PLCB1: variants seen among roughly 807,000 people sequenced by gnomAD.
The protein encoded by PLCB1 is 1-phosphatidylinositol 4,5-bisphosphate phosphodiesterase beta-1.
PLCB1 carries 46 observed loss-of-function variants against 161.8 expected under a neutral mutation model. The ratio of observed to expected loss-of-function variants is 0.28; its 90% CI spans 0.22 to 0.36. PLCB1 has a LOEUF of 0.36. Among genes scored for constraint, PLCB1 ranks in the 10% least tolerant of loss-of-function variants. The pLI is 1.00. For synonymous variants in PLCB1, 517 were observed against 503.7 expected (o/e 1.03, Z -0.35); for missense variants, 1,016 against 1,472.5 (o/e 0.69, Z 5.07).
chr20:8,520,265 A>G (rs906801387), intron 3 of PLCB1, among the ~76,000 whole-genome samples: 3 of 152,226 alleles, frequency 2.0e-5, no homozygotes, highest in Non-Finnish European at 4.4e-5. Context: ...ATTCCAGAAT[A>G]TCCCATTGGT....
At chr20:8,324,781 C>G (rs1222659420) in intron 2 of PLCB1, among the ~76,000 whole-genome samples, 2 of 152,208 alleles carry the variant, frequency 1.3e-5, no homozygotes, top group Non-Finnish European at 2.9e-5. Context: ...ATCAGCATCT[C>G]TACCTATTTC....
At chr20:8,601,103 A>T (rs560700541) in intron 3 of PLCB1, among the ~76,000 whole-genome samples, 285 of 152,318 alleles carry the variant, frequency 1.9e-3, no homozygotes, top group African/African-American at 6.7e-3. Context: ...AGCTGTTCCT[A>T]TTCGGCCATC....
At position 8,883,079 on chromosome 20, in the gene PLCB1, C is replaced by T. The variant is rs1177800178; in HGVS notation, c.*1230C>T. 6.6e-6 allele frequency: 1 copy of T among 152,212 alleles called. No individual in the cohort carries two copies. Among genetic ancestry groups the T allele is most frequent in the South Asian group, 2.1e-4 (1 of 4,808 alleles). The allele number at this position is 152,212 out of a possible 1,614,324, so 9.4% of individuals were successfully genotyped here. A position where few individuals can be genotyped will look rare whatever the true frequency, so the allele number is the denominator to read the frequency against. ...AATTGATGGAGCCATTGATGCAAAC[C>T]GAAGTAGATTTAGAACTTATATGAA... On this transcript the variant is annotated 3_prime_UTR_variant, in exon 32 of 32. Transcript: ENST00000338037.
rs1231931028 is a variant in PLCB1 at position 8,334,192 on chromosome 20, G to A, written c.178-37190G>A. On this transcript the variant is annotated intron_variant, in intron 2 of 31. Transcript: ENST00000338037. Reference sequence around the variant, plus strand: ...CCATTGCACTCCAGCCTGGGCAACAGGAGTGAAACTCCACCTCAAAAAAAA... The same window carrying A: ...CCATTGCACTCCAGCCTGGGCAACAAGAGTGAAACTCCACCTCAAAAAAAA... Among the ~76,000 whole-genome samples, 5 of 151,540 alleles carry A rather than the reference G, an allele frequency of 3.3e-5. No individual in the cohort carries two copies. In the East Asian group the frequency reaches 9.8e-4, roughly 30 times the overall value.
intron 2 of PLCB1, among the ~76,000 whole-genome samples, chr20:8,326,582 G>A (rs375266791): frequency 7.9e-5 from 12 of 152,238 alleles, no homozygotes; most frequent in African/African-American, 2.4e-4. Flanking sequence ...CGAAAAGTTT[G>A]TTGGTGACTT....
intron 3 of PLCB1, among the ~76,000 whole-genome samples, chr20:8,477,526 G>A (rs1253575985): frequency 6.6e-6 from 1 of 152,116 alleles, no homozygotes; most frequent in Non-Finnish European, 1.5e-5. Context: ...TGTTGTAAAA[G>A]AATATCTGAA....
intron 3 of PLCB1, among the ~76,000 whole-genome samples, chr20:8,558,044 A>G (rs980255201): frequency 4.6e-5 from 7 of 151,792 alleles, no homozygotes; most frequent in African/African-American, 1.7e-4. Context: ...GTGGAGGGGG[A>G]AGTAGTGAGG....
At chr20:8,629,825 CTT>C (rs11087813) in intron 4 of PLCB1, among the ~76,000 whole-genome samples, 13 of 71,848 alleles carry the variant, frequency 1.8e-4, no homozygotes, top group Non-Finnish European at 3.7e-4. Flanking sequence ...TCTTTTCTTT[CTT>C]TCTTTCTTTC....
At chr20:8,404,573 A>G (rs1978704848) in intron 3 of PLCB1, among the ~76,000 whole-genome samples, 1 of 152,204 alleles carries the variant, frequency 6.6e-6, no homozygotes, top group Non-Finnish European at 1.5e-5. Flanking sequence ...TAATATTTCA[A>G]AGGAAATATC....
At chr20:8,286,598 A>G (rs62195913) in intron 2 of PLCB1, among the ~76,000 whole-genome samples, 3,408 of 152,264 alleles carry the variant, frequency 0.022, 42 homozygotes, top group African/African-American at 0.041. Context: ...TTAATCCTTT[A>G]CAGTTCCTTC....
intron 31 of PLCB1, among the ~76,000 whole-genome samples, chr20:8,881,258 A>G (rs987527973): frequency 4.1e-5 from 6 of 146,422 alleles, no homozygotes; most frequent in African/African-American, 1.0e-4. Context: ...CTCAACCTCA[A>G]CCTCCCAAAG....
At chr20:8,636,948 C>T (rs557582635) in intron 4 of PLCB1, among the ~76,000 whole-genome samples, 1 of 152,086 alleles carries the variant, frequency 6.6e-6, no homozygotes, top group African/African-American at 2.4e-5. Context: ...CCTCCATCTG[C>T]CTACCTTCTG....
chr20:8,397,074 G>A (rs1391768018), intron 3 of PLCB1, among the ~76,000 whole-genome samples: 1 of 151,924 alleles, frequency 6.6e-6, no homozygotes, highest in Non-Finnish European at 1.5e-5. Flanking sequence ...ATTATCACAG[G>A]TTTCTTCCTC....
chr20:8,367,758 T>C (rs1013627713), intron 2 of PLCB1, among the ~76,000 whole-genome samples: 5 of 152,192 alleles, frequency 3.3e-5, no homozygotes, highest in Non-Finnish European at 5.9e-5. Flanking sequence ...AAAACTATTG[T>C]CACGAGAAAA....
chr20:8,377,196 G>T (rs950738882), intron 3 of PLCB1, among the ~76,000 whole-genome samples: 1 of 152,086 alleles, frequency 6.6e-6, no homozygotes, highest in East Asian at 1.9e-4. Context: ...TGCTGGGAAG[G>T]GGTCTGCTGC....
At chr20:8,744,616 T>TAAATTAAATTA (rs1981057558) in intron 23 of PLCB1, among the ~76,000 whole-genome samples, 3 of 121,222 alleles carry the variant, frequency 2.5e-5, no homozygotes, top group Admixed American at 8.1e-5. Flanking sequence ...AAAAATAAAA[T>TAAATTAAATTA]AAATAAAATA....
intron 3 of PLCB1, among the ~76,000 whole-genome samples, chr20:8,453,068 T>C (rs1305467644): frequency 6.6e-6 from 1 of 152,250 alleles, no homozygotes; most frequent in Non-Finnish European, 1.5e-5. Flanking sequence ...CTTCTCCTTA[T>C]CTACTTCTTT....
intron 31 of PLCB1, among the ~76,000 whole-genome samples, chr20:8,801,101 C>T (rs1285392853): frequency 6.6e-6 from 1 of 152,112 alleles, no homozygotes; most frequent in Non-Finnish European, 1.5e-5. Context: ...CAGTCTAACT[C>T]CACTTTTGCT....
At chr20:8,466,352 T>G in intron 3 of PLCB1, among the ~76,000 whole-genome samples, 2 of 146,484 alleles carry the variant, frequency 1.4e-5, no homozygotes, top group Non-Finnish European at 1.5e-5. Flanking sequence ...AGGGATAGCA[T>G]TGGGAGATAT....
Sources: gnomAD v4.1 joint callset for allele counts (sites outside exome capture counted in the v4.1 genomes callset) on GRCh38, gnomAD v4.1.1 for gene constraint, MANE v1.5 for transcripts, NCBI Gene and HGNC (gene_info 2026-07-23, HGNC 2026-07-21) for gene names.